WDR48: variants seen among roughly 807,000 people sequenced by gnomAD.
The protein encoded by WDR48 is WD repeat domain 48.
A neutral mutation model predicts 94.0 loss-of-function variants in WDR48; 22 were observed. That is an observed-to-expected ratio of 0.23 (90% CI 0.17 to 0.33). The LOEUF (loss-of-function observed/expected upper bound fraction) is 0.33. Among genes scored for constraint, WDR48 ranks in the 10% least tolerant of loss-of-function variants. The pLI is 1.00. For missense variants in WDR48, 541 were observed against 813.8 expected (o/e 0.66, Z 4.08); for synonymous variants, 278 against 280.5 (o/e 0.99, Z 0.09).
chr3:39,079,207 A>G (rs1188210408), intron 10 of WDR48, among the ~76,000 whole-genome samples: 1 of 152,226 alleles, frequency 6.6e-6, no homozygotes, highest in African/African-American at 2.4e-5. Context: ...CTCAAATTCT[A>G]CATGCTGCTG....
chr3:39,091,376 A>C (rs553598434), intron 16 of WDR48: 1 of 267,374 alleles, frequency 3.7e-6, no homozygotes, highest in Admixed American at 5.5e-5. Flanking sequence ...GTTTCCCTTT[A>C]ATACCTTGTA....
At chr3:39,075,190 C>CTTTTTTTTTTTTTTTTTTTTTTTTTT (rs11353487) in intron 8 of WDR48, among the ~76,000 whole-genome samples, 2 of 110,492 alleles carry the variant, frequency 1.8e-5, no homozygotes, top group Non-Finnish European at 3.6e-5. Flanking sequence ...TTGTGTTTTG[C>CTTTTTTTTTTTTTTTTTTTTTTTTTT]TTTTTTTTTT....
chr3:39,052,381 C>G, intron 1 of WDR48: 1 of 346,726 alleles, frequency 2.9e-6, no homozygotes, highest in Non-Finnish European at 5.3e-6. Context: ...TCCCCGCCCA[C>G]TTGCCTCCCC....
chr3:39,084,664 A>G lies in WDR48; in HGVS notation c.1301A>G (p.Asp434Gly). The part of the protein sequence containing the change: ...LKTGMLTITL[D>G]ESDCFAAWVS... ...TGATAGATGTTAACTATTACTTTGG[A>G]TGAAAGTGATTGTTTTGCTGCCTGG... is the stretch of plus-strand genomic sequence containing the variant. The change falls in exon 13 of 19, where the codon GAT becomes GGT. Residue 434 changes from aspartate to glycine, a missense_variant. Physicochemically the swap from Asp to Gly is moderately conservative, Grantham distance 94 (BLOSUM62 -1). This residue lies in a region of WDR48 where 238 missense variants were observed against 285.3 expected (regional missense o/e 0.83). Coordinates refer to ENST00000302313, the MANE Select transcript of WDR48 (RefSeq NM_020839.4). The G allele has an allele frequency of 6.2e-7, 1 of 1,613,822 alleles. No individual in the cohort carries two copies. The highest frequency in any genetic ancestry group is 8.5e-7 in the Non-Finnish European group (1 of 1,179,888).
intron 6 of WDR48, 50 bp downstream of exon 6, chr3:39,068,909 T>G: frequency 4.9e-5 from 62 of 1,261,412 alleles, no homozygotes; most frequent in Non-Finnish European, 6.1e-5. Context: ...ATTTTTCACA[T>G]ACCTTGTCTC....
intron 18 of WDR48, chr3:39,094,380 G>T (rs1309032433): frequency 6.8e-7 from 1 of 1,469,392 alleles, no homozygotes; most frequent in South Asian, 1.4e-5. Flanking sequence ...TGGCAGAACT[G>T]TTTTTTAAAT....
At position 39,088,240 on chromosome 3, in the gene WDR48, G is replaced by A; in HGVS notation, c.1580+7G>A. On this transcript the variant is annotated splice_region_variant and intron_variant, in intron 15 of 18. Coordinates refer to ENST00000302313, the MANE Select transcript of WDR48 (RefSeq NM_020839.4). ...GAGGTCGCACACTGTTCAGGTATGG[G>A]TAAGAAAGACAAGAGGTTCTGCCTG... 1 of 1,613,788 alleles carries A rather than the reference G, an allele frequency of 6.2e-7. No homozygotes were observed. The highest frequency in any genetic ancestry group is 8.5e-7 in the Non-Finnish European group (1 of 1,179,772).
intron 1 of WDR48, 123 bp downstream of exon 1, chr3:39,052,196 C>A: frequency 8.2e-7 from 1 of 1,223,498 alleles, no homozygotes; most frequent in Non-Finnish European, 1.1e-6. Flanking sequence ...GGGCGGGGCG[C>A]GGCCGGCCAC....
intron 11 of WDR48, among the ~76,000 whole-genome samples, chr3:39,081,490 A>G (rs900244344): frequency 6.6e-6 from 1 of 152,176 alleles, no homozygotes; most frequent in Non-Finnish European, 1.5e-5. Flanking sequence ...TTTCTCTACA[A>G]TAGAGAGATG....
At chr3:39,063,629 C>T (rs190483563) in intron 2 of WDR48, among the ~76,000 whole-genome samples, 166 of 152,062 alleles carry the variant, frequency 1.1e-3, no homozygotes, top group South Asian at 9.2e-3. Context: ...CCTCACAAAC[C>T]CCACACGGCC....
chr3:39,076,710 G>C (rs2034243845), intron 8 of WDR48, among the ~76,000 whole-genome samples: 1 of 152,176 alleles, frequency 6.6e-6, no homozygotes, highest in African/African-American at 2.4e-5. Flanking sequence ...CCGTCCTTAG[G>C]CGAGGGTTAT....
intron 18 of WDR48, chr3:39,094,314 G>C: frequency 7.0e-7 from 1 of 1,422,076 alleles, no homozygotes; most frequent in Non-Finnish European, 9.1e-7. Context: ...TGGTCTTCTT[G>C]ATTTGCAAAA....
chr3:39,074,793 C>T lies in WDR48; in HGVS notation c.740C>T (p.Thr247Ile). Residue 247 changes from threonine to isoleucine, a missense_variant, in exon 8 of 19, where the codon ACA (threonine) becomes ATA (isoleucine). Physicochemically the swap from Thr to Ile is moderately conservative, Grantham distance 89. Around this residue, in one of 5 missense-constraint regions of WDR48, gnomAD observed 104 missense variants for 189.7 expected, o/e 0.55. Coordinates refer to ENST00000302313, the MANE Select transcript of WDR48 (RefSeq NM_020839.4). ...CTTGGCCAGCAGAGATGTATAGCAACATACCGAGTCCATGATGAAGGTGTT... is the reference window on the plus strand; with the variant it reads ...CTTGGCCAGCAGAGATGTATAGCAATATACCGAGTCCATGATGAAGGTGTT... ...WSLGQQRCIA[T>I]YRVHDEGVWA... 1 of 1,614,236 alleles carries T rather than the reference C, an allele frequency of 6.2e-7. No individual in the cohort carries two copies. The highest frequency in any genetic ancestry group is 8.5e-7 in the Non-Finnish European group (1 of 1,180,044).
rs530794290 is a variant in WDR48 at position 39,059,941 on chromosome 3, T to C, written c.49-3109T>C. On this transcript the variant is annotated intron_variant, in intron 1 of 18. Coordinates refer to ENST00000302313, the MANE Select transcript of WDR48 (RefSeq NM_020839.4). ...AGTCCCTTTTTGTAACTGTCCCTCT[T>C]TCTGTTGGTAAATTTGACTTTTTCT... 1.1e-3 allele frequency among the ~76,000 whole-genome samples: 162 copies of C among 152,352 alleles called. 1 individual carries two copies. The South Asian group carries it at 0.019, about 18-fold the overall frequency.
rs952698051 is a variant in WDR48, at chr3:39,095,414, T to G, written c.*671T>G. ...GCACTTGGACTGTTGGGCCGGAGTT[T>G]GTGCAGCCCATGCCTAGCGATGCTG... On this transcript the variant is annotated 3_prime_UTR_variant, in exon 19 of 19. Coordinates refer to ENST00000302313, the MANE Select transcript of WDR48 (RefSeq NM_020839.4). 5.9e-5 allele frequency: 9 copies of G among 152,444 alleles called. No homozygotes were observed. Among genetic ancestry groups the G allele is most frequent in the African/African-American group, 2.2e-4 (9 of 41,466 alleles). The allele number at this position is 152,444 out of a possible 1,614,324, so 9.4% of individuals were successfully genotyped here. A position where few individuals can be genotyped will look rare whatever the true frequency, so the allele number is the denominator to read the frequency against.
rs1284053961 is a variant in WDR48, at chr3:39,063,111, A to T, written c.110A>T (p.Gln37Leu). The T allele has an allele frequency of 6.2e-7, 1 of 1,614,160 alleles. No individual in the cohort carries two copies. The highest frequency in any genetic ancestry group is 2.2e-5 in the East Asian group (1 of 44,878). The part of the protein sequence containing the change: ...KYNRNGVNAL[Q>L]LDPALNRLFT... ...AACCGAAATGGAGTCAATGCTCTGC[A>T]GCTGGATCCAGCACTAAATAGACTT... The change falls in exon 2 of 19, where the codon CAG (glutamine) becomes CTG (leucine). Residue 37 changes from glutamine (Q) to leucine (L), a missense_variant. Gln to Leu is a moderately radical substitution (Grantham distance 113, BLOSUM62 -2). Coordinates refer to ENST00000302313, the MANE Select transcript of WDR48 (RefSeq NM_020839.4).
Position 39,093,883 on chromosome 3 carries a change from C to G in WDR48, c.1755C>G (p.Leu585=). The change falls in exon 18 of 19, where the codon CTC becomes CTG. Residue 585 remains leucine, a synonymous_variant. Coordinates refer to ENST00000302313, the MANE Select transcript of WDR48 (RefSeq NM_020839.4). ...SGAKTLKKDR[L]SASDMLQVRK... is the part of the protein sequence containing the mutation. Reference sequence around the variant, plus strand: ...CATTGCTTTTTTACAGAGATAGACTCTCTGCTAGTGACATGCTCCAAGTCC... The same window carrying G: ...CATTGCTTTTTTACAGAGATAGACTGTCTGCTAGTGACATGCTCCAAGTCC... 1 of 1,601,152 alleles carries G rather than the reference C, an allele frequency of 6.2e-7. No homozygotes were observed. The highest frequency in any genetic ancestry group is 8.5e-7 in the Non-Finnish European group (1 of 1,174,968).
At chr3:39,083,137 T>C (rs2034623603) in intron 11 of WDR48, among the ~76,000 whole-genome samples, 1 of 152,180 alleles carries the variant, frequency 6.6e-6, no homozygotes. Flanking sequence ...GAGGGTGGCC[T>C]CTGGGTAGAG....
chr3:39,088,359 T>C, intron 15 of WDR48, 126 bp downstream of exon 15: 1 of 890,732 alleles, frequency 1.1e-6, no homozygotes, highest in Non-Finnish European at 1.7e-6. Flanking sequence ...TGCCAGGGAT[T>C]GGAAGCATCC....
Sources: gnomAD v4.1 joint callset for allele counts (sites outside exome capture counted in the v4.1 genomes callset) on GRCh38, gnomAD v4.1.1 for gene constraint, gnomAD v4.1.1 regional missense constraint, MANE v1.5 for transcripts, NCBI Gene and HGNC (gene_info 2026-07-23, HGNC 2026-07-21) for gene names.